ST7: variants seen among roughly 807,000 people sequenced by gnomAD.
The protein encoded by ST7 is suppressor of tumorigenicity 7 protein.
Under a neutral mutation model 78.7 loss-of-function variants are expected in ST7, and 28 were observed. That is an observed-to-expected ratio of 0.36 (90% CI 0.26 to 0.49). The LOEUF is 0.49. ST7 is among the 20% of genes least tolerant of loss of function. The pLI, the probability that ST7 is intolerant of heterozygous loss-of-function variation, is 0.99. For synonymous variants in ST7, 247 were observed against 249.6 expected, an observed-to-expected ratio of 0.99 and a Z score of 0.10; for missense variants, 418 against 696.0, an observed-to-expected ratio of 0.60 and a Z score of 4.49.
At chr7:116,955,811 A>G (rs1193423044) in intron 1 of ST7, among the ~76,000 whole-genome samples, 1 of 152,196 alleles carries the variant, frequency 6.6e-6, no homozygotes, top group South Asian at 2.1e-4. Context: ...TAAATCTAGC[A>G]TTTCTCAGAG....
At chr7:116,956,512 G>A (rs1224637505) in intron 1 of ST7, 1 of 471,186 alleles carries the variant, frequency 2.1e-6, no homozygotes, top group Non-Finnish European at 4.4e-6. Flanking sequence ...AGTTGCAGAT[G>A]GCGCAGGCCT....
At chr7:117,064,404 C>CT (rs1418629687) in intron 1 of ST7, among the ~76,000 whole-genome samples, 1 of 152,058 alleles carries the variant, frequency 6.6e-6, no homozygotes, top group African/African-American at 2.4e-5. Flanking sequence ...AAAGATTTTG[C>CT]TTTTTTCACA....
At chr7:116,985,546 T>C (rs1023342000) in intron 1 of ST7, among the ~76,000 whole-genome samples, 9 of 152,228 alleles carry the variant, frequency 5.9e-5, no homozygotes, top group African/African-American at 2.2e-4. Flanking sequence ...TGTTTTACTT[T>C]CTGAACAAAT....
chr7:117,031,846 C>CA (rs1563027109), intron 1 of ST7, among the ~76,000 whole-genome samples: 1,088 of 65,328 alleles, frequency 0.017, 84 homozygotes, highest in East Asian at 0.11. Flanking sequence ...ATATCTATAT[C>CA]TATATCTATA....
At chr7:116,999,912 G>A (rs923112565) in intron 1 of ST7, among the ~76,000 whole-genome samples, 3 of 143,178 alleles carry the variant, frequency 2.1e-5, no homozygotes, top group East Asian at 2.1e-4. Flanking sequence ...CTGGGTTCAC[G>A]CCATTCTCCT....
chr7:117,082,849 G>A (rs1398618105), intron 1 of ST7, among the ~76,000 whole-genome samples: 1 of 152,196 alleles, frequency 6.6e-6, no homozygotes, highest in South Asian at 2.1e-4. Context: ...TTTATAAAAT[G>A]TATTTACTAA....
chr7:117,157,794 T>G (rs1806814753), intron 9 of ST7, among the ~76,000 whole-genome samples: 3 of 152,190 alleles, frequency 2.0e-5, no homozygotes, highest in Admixed American at 1.3e-4. Flanking sequence ...GGAGGAATGC[T>G]TATCGCCCTC....
At chr7:117,184,829 G>A (rs1809099140) in intron 10 of ST7, among the ~76,000 whole-genome samples, 1 of 152,128 alleles carries the variant, frequency 6.6e-6, no homozygotes, top group Non-Finnish European at 1.5e-5. Flanking sequence ...TCAATTTCTT[G>A]TTTTTTGATA....
At chr7:117,155,762 A>C (rs1468556870) in intron 9 of ST7, among the ~76,000 whole-genome samples, 1 of 152,196 alleles carries the variant, frequency 6.6e-6, no homozygotes, top group Non-Finnish European at 1.5e-5. Flanking sequence ...TTTGACTTCC[A>C]ACTCTCCAGG....
intron 6 of ST7, 142 bp downstream of exon 6, chr7:117,132,102 T>A: frequency 1.5e-6 from 1 of 668,070 alleles, no homozygotes; most frequent in Non-Finnish European, 2.3e-6. Context: ...TTTAAAAAAG[T>A]TTTTTTTTTA....
Position 117,097,048 on chromosome 7 carries a change from AT to A in ST7, c.152-2704del, listed in dbSNP as rs965389373. On this transcript the variant is annotated intron_variant, in intron 1 of 15. Transcript: ENST00000323984. The stretch of plus-strand genomic sequence containing the variant: ...TTTTAATCTCTTTTAAAAAAACTCA[AT>A]TTTTTTTTTCACTTACTGATTAAAT... Among the ~76,000 whole-genome samples, 49 of 150,168 alleles carry A rather than the reference AT, an allele frequency of 3.3e-4. 1 individual carries two copies. Among genetic ancestry groups the A allele is most frequent in the African/African-American group, 9.3e-4 (38 of 41,066 alleles).
chr7:116,977,557 TA>T (rs1018788906), intron 1 of ST7, among the ~76,000 whole-genome samples: 1 of 152,234 alleles, frequency 6.6e-6, no homozygotes, highest in African/African-American at 2.4e-5. Context: ...TGTTTTTATA[TA>T]TTTTTTTATT....
At chr7:116,987,740 T>C (rs1794248505) in intron 1 of ST7, among the ~76,000 whole-genome samples, 1 of 152,244 alleles carries the variant, frequency 6.6e-6, no homozygotes. Flanking sequence ...TTTTCTTCTT[T>C]TGACACGGAG....
chr7:117,115,930 C>T (rs1802847509), intron 2 of ST7, among the ~76,000 whole-genome samples: 1 of 152,124 alleles, frequency 6.6e-6, no homozygotes, highest in Admixed American at 6.6e-5. Flanking sequence ...TCTAGTCATC[C>T]CTCCCTTTCT....
At chr7:116,997,531 C>T (rs894366534) in intron 1 of ST7, among the ~76,000 whole-genome samples, 5 of 152,100 alleles carry the variant, frequency 3.3e-5, no homozygotes, top group Non-Finnish European at 7.3e-5. Context: ...ACACAGGGTG[C>T]TGATTGGTGT....
intron 1 of ST7, among the ~76,000 whole-genome samples, chr7:117,096,564 T>C (rs537094797): frequency 6.6e-6 from 1 of 152,314 alleles, no homozygotes; most frequent in Admixed American, 6.5e-5. Flanking sequence ...GCTAAAAGCA[T>C]GAGCTTGGGG....
chr7:117,199,877 C>T (rs745755794), intron 12 of ST7, among the ~76,000 whole-genome samples: 21 of 152,178 alleles, frequency 1.4e-4, no homozygotes, highest in Non-Finnish European at 2.1e-4. Flanking sequence ...AGCCAGATCC[C>T]GTGCTTTGCT....
chr7:117,085,966 T>C (rs1366538795), intron 1 of ST7, among the ~76,000 whole-genome samples: 1 of 152,100 alleles, frequency 6.6e-6, no homozygotes, highest in Non-Finnish European at 1.5e-5. Context: ...AAAATAGACA[T>C]AGAATTTTAA....
chr7:117,102,855 G>A (rs1376468976), intron 2 of ST7, among the ~76,000 whole-genome samples: 1 of 151,970 alleles, frequency 6.6e-6, no homozygotes, highest in African/African-American at 2.4e-5. Context: ...ACCAAAAACA[G>A]AACTGATAAA....
Sources: gnomAD v4.1 joint callset for allele counts (sites outside exome capture counted in the v4.1 genomes callset) on GRCh38, gnomAD v4.1.1 for gene constraint, MANE v1.5 for transcripts, NCBI Gene and HGNC (gene_info 2026-07-23, HGNC 2026-07-21) for gene names.